The following CNTN5 variants were observed in gnomAD, a reference collection of about 807,000 sequenced individuals.
The protein encoded by CNTN5 is contactin 5, also known as contactin-5.
CNTN5 carries 77 observed loss-of-function variants against 129.1 expected under a neutral mutation model. The ratio of observed to expected loss-of-function variants is 0.60; its 90% confidence interval spans 0.50 to 0.72. The LOEUF (loss-of-function observed/expected upper bound fraction) is 0.72, where lower values mean the gene tolerates loss of function less well. Among genes scored for constraint, CNTN5 ranks in the 30% least tolerant of loss-of-function variants. CNTN5 has a pLI of 0.00. For missense variants in CNTN5, 1,478 were observed against 1,328.8 expected, an observed-to-expected ratio of 1.11 and a Z score of -1.75; for synonymous variants, 509 against 465.6, an observed-to-expected ratio of 1.09 and a Z score of -1.20.
chr11:99,282,749 A>G (rs1863757084), intron 1 of CNTN5, among the ~76,000 whole-genome samples: 2 of 152,052 alleles, frequency 1.3e-5, no homozygotes, highest in African/African-American at 4.8e-5. Flanking sequence ...AGTAACAGTA[A>G]CTTAAACAGG....
At chr11:99,866,892 T>A (rs1948370843) in intron 6 of CNTN5, among the ~76,000 whole-genome samples, 1 of 152,180 alleles carries the variant, frequency 6.6e-6, no homozygotes, top group African/African-American at 2.4e-5. Context: ...TCCCACAACA[T>A]CTTTGTATAG....
intron 1 of CNTN5, among the ~76,000 whole-genome samples, chr11:99,046,904 C>T (rs369628470): frequency 5.8e-4 from 88 of 152,056 alleles, no homozygotes; most frequent in African/African-American, 1.9e-3. Context: ...GTATAATTGA[C>T]GAAGTCCCTT....
intron 21 of CNTN5, among the ~76,000 whole-genome samples, chr11:100,329,132 G>C (rs1951850152): frequency 6.6e-6 from 1 of 152,172 alleles, no homozygotes; most frequent in Admixed American, 6.5e-5. Context: ...CTGTGTAAGA[G>C]CAGGTTGAGG....
At chr11:100,128,961 C>G (rs1256826851) in intron 13 of CNTN5, among the ~76,000 whole-genome samples, 3 of 152,060 alleles carry the variant, frequency 2.0e-5, no homozygotes, top group African/African-American at 7.2e-5. Context: ...TTATATCACT[C>G]GCTACTATTT....
chr11:99,866,891 A>G (rs1481549154), intron 6 of CNTN5, among the ~76,000 whole-genome samples: 1 of 152,140 alleles, frequency 6.6e-6, no homozygotes, highest in Non-Finnish European at 1.5e-5. Context: ...TTCCCACAAC[A>G]TCTTTGTATA....
chr11:99,769,727 T>A (rs1944878739), intron 3 of CNTN5, among the ~76,000 whole-genome samples: 2 of 151,518 alleles, frequency 1.3e-5, no homozygotes, highest in South Asian at 4.2e-4. Flanking sequence ...GGTGGGAGAA[T>A]TGCTTTAACC....
At chr11:99,060,810 A>G (rs961433325) in intron 1 of CNTN5, among the ~76,000 whole-genome samples, 1 of 152,262 alleles carries the variant, frequency 6.6e-6, no homozygotes, top group African/African-American at 2.4e-5. Flanking sequence ...AAAATAAACA[A>G]AAATCTGACT....
At chr11:99,906,918 GT>G (rs998629468) in intron 6 of CNTN5, among the ~76,000 whole-genome samples, 6 of 152,000 alleles carry the variant, frequency 3.9e-5, no homozygotes, top group Non-Finnish European at 2.9e-5. Context: ...GCATAGAGGT[GT>G]TTATAGTATT....
At chr11:99,214,913 TACTC>T in intron 1 of CNTN5, among the ~76,000 whole-genome samples, 1 of 152,262 alleles carries the variant, frequency 6.6e-6, no homozygotes. Flanking sequence ...TTTCAAGTGA[TACTC>T]AAGTAGTTAT....
intron 3 of CNTN5, among the ~76,000 whole-genome samples, chr11:99,763,415 T>C (rs1944652849): frequency 6.6e-6 from 1 of 152,154 alleles, no homozygotes; most frequent in South Asian, 2.1e-4. Context: ...CTGACTTGAT[T>C]TTAGCAATTT....
In CNTN5 at chr11:99,825,571, G is replaced by A. The variant is rs141464775; in HGVS notation, c.277+5806G>A. ...CTTTTTGGATGAAGCATATTTTGTG[G>A]TAAAAAGGATATCACTGTGACAAAC... On this transcript the variant is annotated intron_variant, in intron 4 of 24. Transcript: ENST00000524871. Among the ~76,000 whole-genome samples the A allele has an allele frequency of 8.9e-3, 1,359 of 151,956 alleles. 9 individuals carry two copies. Among genetic ancestry groups the A allele is most frequent in the Non-Finnish European group, 0.015 (992 of 67,886 alleles).
chr11:99,244,197 C>T (rs1322459383), intron 1 of CNTN5, among the ~76,000 whole-genome samples: 1 of 151,768 alleles, frequency 6.6e-6, no homozygotes, highest in East Asian at 1.9e-4. Context: ...TAGATATATC[C>T]CTAGATATTT....
chr11:100,218,542 G>A (rs1407174249), intron 15 of CNTN5, among the ~76,000 whole-genome samples: 1 of 152,160 alleles, frequency 6.6e-6, no homozygotes, highest in Non-Finnish European at 1.5e-5. Context: ...ATACTGAGAA[G>A]GGTCTCATAC....
chr11:99,165,639 T>C (rs536605423), intron 1 of CNTN5, among the ~76,000 whole-genome samples: 1 of 152,238 alleles, frequency 6.6e-6, no homozygotes, highest in African/African-American at 2.4e-5. Flanking sequence ...GAGGACAGAT[T>C]TGAGAGATGC....
chr11:99,207,458 A>G (rs889177390), intron 1 of CNTN5, among the ~76,000 whole-genome samples: 6 of 152,190 alleles, frequency 3.9e-5, no homozygotes, highest in Non-Finnish European at 5.9e-5. Context: ...ATTGCCTGCA[A>G]TGATTGAAAT....
intron 1 of CNTN5, among the ~76,000 whole-genome samples, chr11:99,157,192 T>C (rs1442960519): frequency 6.6e-6 from 1 of 152,054 alleles, no homozygotes; most frequent in East Asian, 1.9e-4. Context: ...CTATTATAAA[T>C]TGGTGCACCT....
chr11:99,378,639 T>G (rs533923225), intron 2 of CNTN5, among the ~76,000 whole-genome samples: 34 of 152,232 alleles, frequency 2.2e-4, no homozygotes, highest in African/African-American at 7.5e-4. Flanking sequence ...CCTTTCTTGA[T>G]TTTCTTATAC....
intron 1 of CNTN5, among the ~76,000 whole-genome samples, chr11:99,159,255 G>T (rs1253746650): frequency 6.6e-6 from 1 of 152,144 alleles, no homozygotes; most frequent in African/African-American, 2.4e-5. Flanking sequence ...ATTTTTGGTA[G>T]AGTTACATTA....
intron 2 of CNTN5, among the ~76,000 whole-genome samples, chr11:99,397,176 ATC>A (rs2136201661): frequency 6.6e-6 from 1 of 151,930 alleles, no homozygotes; most frequent in South Asian, 2.1e-4. Flanking sequence ...TTTGCAGAAT[ATC>A]TCTGAGTTGA....
Sources: allele counts gnomAD v4.1 joint callset (sites outside exome capture counted in the v4.1 genomes callset), GRCh38; gene constraint gnomAD v4.1.1; transcripts MANE v1.5; gene names NCBI Gene and HGNC (gene_info 2026-07-23, HGNC 2026-07-21).